Variants in PAPPA observed in about 807,000 individuals in gnomAD.
PAPPA encodes pappalysin-1.
PAPPA carries 60 observed loss-of-function variants against 164.0 expected under a neutral mutation model. That is an observed-to-expected ratio of 0.37 (90% CI 0.30 to 0.45). PAPPA has a LOEUF of 0.45. Ranked by LOEUF, PAPPA falls within the 20% of genes least tolerant of loss-of-function variation. The pLI, the probability that PAPPA is intolerant of heterozygous loss-of-function variation, is 1.00. For missense variants in PAPPA, 1,782 were observed against 2,087.3 expected, an observed-to-expected ratio of 0.85 and a Z score of 2.85; for synonymous variants, 875 against 814.1, an observed-to-expected ratio of 1.07 and a Z score of -1.27.
chr9:116,399,837 C>A lies in PAPPA; in HGVS notation c.*3221C>A, dbSNP rs1197758579. On this transcript the variant is annotated 3_prime_UTR_variant, in exon 22 of 22. Transcript: ENST00000328252. ...AAAATGCAGGGTATCAGCTGCCACTCCTGGCTTCAACACATTGAGTCACTG... is the reference window on the plus strand; with the variant it reads ...AAAATGCAGGGTATCAGCTGCCACTACTGGCTTCAACACATTGAGTCACTG... 1 of 152,612 alleles carries A rather than the reference C, an allele frequency of 6.6e-6. No individual in the cohort carries two copies. Among genetic ancestry groups the A allele is most frequent in the Non-Finnish European group, 1.5e-5 (1 of 68,050 alleles). 9.5% of individuals were successfully genotyped at this position (152,612 alleles called of 1,614,324 possible). A position where few individuals can be genotyped will look rare whatever the true frequency, so the allele number is the denominator to read the frequency against.
intron 2 of PAPPA, among the ~76,000 whole-genome samples, chr9:116,196,432 G>C (rs969093646): frequency 7.2e-5 from 11 of 152,176 alleles, no homozygotes; most frequent in Non-Finnish European, 1.5e-5. Flanking sequence ...CTCTGCACTT[G>C]GTCAGATGCC....
At chr9:116,382,515 G>A (rs757789792) in intron 21 of PAPPA, 22 bp downstream of exon 21, 34 of 1,441,146 alleles carry the variant, frequency 2.4e-5, no homozygotes, top group Middle Eastern at 1.7e-4. Context: ...TGCACTCCTC[G>A]GCAGCTGCCT....
intron 7 of PAPPA, among the ~76,000 whole-genome samples, chr9:116,239,681 C>T (rs1844713734): frequency 6.6e-6 from 1 of 152,078 alleles, no homozygotes; most frequent in African/African-American, 2.4e-5. Context: ...ATTAAACTAA[C>T]CTCATACAGC....
At chr9:116,263,411 C>T (rs1337112132) in intron 7 of PAPPA, among the ~76,000 whole-genome samples, 1 of 152,182 alleles carries the variant, frequency 6.6e-6, no homozygotes, top group East Asian at 1.9e-4. Context: ...AGCCACGGCA[C>T]ACATGGTAGA....
chr9:116,226,454 G>A (rs1844511545), intron 5 of PAPPA, among the ~76,000 whole-genome samples: 1 of 152,188 alleles, frequency 6.6e-6, no homozygotes, highest in Non-Finnish European at 1.5e-5. Context: ...GGTAGCCAAA[G>A]CACAGAAGTT....
intron 4 of PAPPA, among the ~76,000 whole-genome samples, chr9:116,213,820 A>G (rs190893835): frequency 1.7e-3 from 260 of 152,274 alleles, no homozygotes; most frequent in African/African-American, 5.9e-3. Context: ...CAAGGCAACC[A>G]CGATCTTTGA....
chr9:116,186,978 C>T (rs569145284), intron 1 of PAPPA, among the ~76,000 whole-genome samples, 176 bp from the exon 2 acceptor site: 1 of 152,194 alleles, frequency 6.6e-6, no homozygotes, highest in East Asian at 1.9e-4. Flanking sequence ...CCAGCCCTTG[C>T]CTTGCCCTCG....
chr9:116,339,179 C>A (rs1007297203), intron 13 of PAPPA, among the ~76,000 whole-genome samples: 8 of 152,170 alleles, frequency 5.3e-5, no homozygotes, highest in African/African-American at 1.9e-4. Flanking sequence ...TTAGTTATCT[C>A]CTTTAATTAG....
intron 1 of PAPPA, among the ~76,000 whole-genome samples, chr9:116,178,004 A>G (rs1354965740): frequency 2.6e-5 from 4 of 152,200 alleles, no homozygotes; most frequent in African/African-American, 9.7e-5. Context: ...ATTTCAGAGA[A>G]CAGTGTCAGA....
intron 1 of PAPPA, among the ~76,000 whole-genome samples, chr9:116,155,817 GC>G (rs1186871249): frequency 6.6e-6 from 1 of 151,910 alleles, no homozygotes; most frequent in Non-Finnish European, 1.5e-5. Flanking sequence ...GTCTCCCGAA[GC>G]CCCCGCTTTC....
chr9:116,218,826 G>T (rs969897943), intron 4 of PAPPA, among the ~76,000 whole-genome samples: 3 of 152,128 alleles, frequency 2.0e-5, no homozygotes, highest in Admixed American at 6.5e-5. Context: ...TTGTGATTTT[G>T]AAATAATTAT....
chr9:116,358,110 G>A (rs1846377005), intron 17 of PAPPA, among the ~76,000 whole-genome samples: 1 of 152,142 alleles, frequency 6.6e-6, no homozygotes, highest in Non-Finnish European at 1.5e-5. Flanking sequence ...GAGGAATTCA[G>A]AAGAGTCACA....
At chr9:116,275,032 C>T (rs544893079) in intron 9 of PAPPA, among the ~76,000 whole-genome samples, 9 of 152,324 alleles carry the variant, frequency 5.9e-5, no homozygotes, top group African/African-American at 2.2e-4. Flanking sequence ...TCTGGATCCC[C>T]TCACTAAACT....
chr9:116,208,958 T>C (rs3789287), intron 3 of PAPPA, among the ~76,000 whole-genome samples: 3,611 of 152,196 alleles, frequency 0.024, 112 homozygotes, highest in East Asian at 0.11. Context: ...TATCTAGAGA[T>C]GTTTTTGCTT....
intron 1 of PAPPA, among the ~76,000 whole-genome samples, chr9:116,181,749 C>T (rs12237279): frequency 2.6e-5 from 4 of 152,206 alleles, no homozygotes; most frequent in Non-Finnish European, 5.9e-5. Context: ...ATCCAGATGT[C>T]GAAGGACAAG....
intron 8 of PAPPA, among the ~76,000 whole-genome samples, chr9:116,270,461 A>G (rs895410139): frequency 2.6e-5 from 4 of 152,268 alleles, no homozygotes; most frequent in Non-Finnish European, 5.9e-5. Flanking sequence ...AAATCATCAC[A>G]GAAATATCAG....
intron 9 of PAPPA, among the ~76,000 whole-genome samples, chr9:116,296,942 C>T (rs1369814351): frequency 1.3e-5 from 2 of 152,060 alleles, no homozygotes; most frequent in African/African-American, 4.8e-5. Context: ...GCAACCTCCA[C>T]CTCCCATGTT....
At position 116,401,525 on chromosome 9, in the gene PAPPA, A is replaced by AGAT. The variant is rs112767944; in HGVS notation, c.*4910_*4912dup. The AGAT allele has an allele frequency of 2.3e-3, 350 of 151,268 alleles. 1 individual carries two copies. Among genetic ancestry groups the AGAT allele is most frequent in the African/African-American group, 8.2e-3 (340 of 41,348 alleles). 9.4% of individuals were successfully genotyped at this position (151,268 alleles called of 1,614,324 possible). On this transcript the variant is annotated 3_prime_UTR_variant, in exon 22 of 22. Coordinates refer to ENST00000328252, the MANE Select transcript of PAPPA (RefSeq NM_002581.5). ...TGTCTGCAGATATCTATCTATATAA[A>AGAT]GATATTATATATAAATATAAATTTA...
At position 116,271,393 on chromosome 9, in the gene PAPPA, A is replaced by T. The variant is rs762216046; in HGVS notation, c.2930A>T (p.Gln977Leu). ...GATGGCTGCTCCCTTTTCTGCCGAC[A>T]AGAAGTCTCCTTCAATTGTATTGGT... is the stretch of plus-strand genomic sequence containing the variant. The part of the protein sequence containing the change: ...NGDGCSLFCR[Q>L]EVSFNCIDEP... Residue 977 changes from glutamine to leucine, a missense_variant, in exon 9 of 22, where the codon CAA becomes CTA. Physicochemically the swap from Gln to Leu is moderately radical, Grantham distance 113. Transcript: ENST00000328252. This position sits in a 1 kb window ranked among gnomAD's most constrained non-coding sequence, Gnocchi z 4.2. The T allele has an allele frequency of 8.7e-6, 14 of 1,613,256 alleles. No homozygotes were observed. The highest frequency in any genetic ancestry group is 1.1e-5 in the Non-Finnish European group (13 of 1,179,276).
Sources: gnomAD v4.1 joint callset for allele counts (sites outside exome capture counted in the v4.1 genomes callset) on GRCh38, gnomAD v4.1.1 for gene constraint, Gnocchi (gnomAD v3.1) non-coding constraint, MANE v1.5 for transcripts, NCBI Gene and HGNC (gene_info 2026-07-23, HGNC 2026-07-21) for gene names.